PLEKHG7: variants seen among roughly 807,000 people sequenced by gnomAD.
PLEKHG7 encodes pleckstrin homology domain-containing family G member 7.
Under a neutral mutation model 85.2 loss-of-function variants are expected in PLEKHG7, and 77 were observed. The ratio of observed to expected loss-of-function variants is 0.90; its 90% CI spans 0.75 to 1.09. The LOEUF is 1.09. Among genes scored for constraint, PLEKHG7 ranks in the 50% least tolerant of loss-of-function variants. The pLI, the probability that PLEKHG7 is intolerant of heterozygous loss-of-function variation, is 0.00. For missense variants in PLEKHG7, 777 were observed against 804.3 expected (o/e 0.97, Z 0.41); for synonymous variants, 301 against 302.4 (o/e 1.00, Z 0.05).
intron 10 of PLEKHG7, 49 bp downstream of exon 10, chr12:92,745,640 G>A (rs1415438094): frequency 4.9e-6 from 6 of 1,233,800 alleles, no homozygotes; most frequent in Non-Finnish European, 6.0e-6. Flanking sequence ...TGCTTTTTGG[G>A]TGTCACATGT....
In PLEKHG7 at chr12:92,720,053, C is replaced by T. The variant is rs141859330; in HGVS notation, c.531-8940C>T. On this transcript the variant is annotated intron_variant, in intron 3 of 16. Transcript: ENST00000344636. ...GTGCCCTTGCCACTCAATAGGACTG[C>T]CCCATATTCGTTTCCTGTGGCTGCT... is the stretch of plus-strand genomic sequence containing the variant. Among the ~76,000 whole-genome samples, 294 of 152,296 alleles carry T rather than the reference C, an allele frequency of 1.9e-3. 1 individual carries two copies. The highest frequency in any genetic ancestry group is 3.3e-3 in the Non-Finnish European group (226 of 68,018).
intron 3 of PLEKHG7, 139 bp from the exon 4 acceptor site, chr12:92,728,854 T>A: frequency 1.7e-6 from 1 of 593,708 alleles, no homozygotes; most frequent in Non-Finnish European, 2.5e-6. Flanking sequence ...CTAATTCACA[T>A]TCCCACCAAT....
intron 3 of PLEKHG7, among the ~76,000 whole-genome samples, chr12:92,724,323 C>A (rs1046198844): frequency 6.6e-6 from 1 of 152,128 alleles, no homozygotes; most frequent in Non-Finnish European, 1.5e-5. Context: ...CAGTTCCCTC[C>A]ATCCTTATAA....
At position 92,707,083 on chromosome 12, in the gene PLEKHG7, G is replaced by A. The variant is rs202177719; in HGVS notation, c.452G>A (p.Arg151Gln). Residue 151 changes from arginine to glutamine, a missense_variant, in exon 2 of 17, where the codon CGG becomes CAG. Around this residue, in one of 3 missense-constraint regions of PLEKHG7, gnomAD observed 252 missense variants for 241.9 expected, o/e 1.04. Coordinates refer to ENST00000344636, the MANE Select transcript of PLEKHG7 (RefSeq NM_001377329.1). ...GGGTCCCTTCACCAGGCCTCTCTTC[G>A]GCAGCAAGAAGGCCACTTCCTGCCC... Reference protein sequence around the residue: ...NEGSLHQASLRQQEGHFLPSP... With the variant: ...NEGSLHQASLQQQEGHFLPSP... 229 of 1,613,660 alleles carry A rather than the reference G, an allele frequency of 1.4e-4. No homozygotes were observed. The African/African-American group carries it at 2.6e-3, about 18-fold the overall frequency.
intron 7 of PLEKHG7, among the ~76,000 whole-genome samples, chr12:92,738,531 G>A (rs1025416855): frequency 6.6e-6 from 1 of 152,186 alleles, no homozygotes; most frequent in African/African-American, 2.4e-5. Context: ...TAAATATTTT[G>A]GGCTTTTCAG....
Position 92,770,367 on chromosome 12 carries a change from A to G in PLEKHG7, c.*172A>G. 3.7e-6 allele frequency: 2 copies of G among 541,106 alleles called. No individual in the cohort carries two copies. The highest frequency in any genetic ancestry group is 6.5e-6 in the Non-Finnish European group (2 of 309,912). 33.5% of individuals were successfully genotyped at this position (541,106 alleles called of 1,614,324 possible). ...AAATCCTCAGTATAGAGGAATAATG[A>G]CTGCAACAAATTTGAACTCTGAGGA... On this transcript the variant is annotated 3_prime_UTR_variant, in exon 17 of 17. Coordinates refer to ENST00000344636, the MANE Select transcript of PLEKHG7 (RefSeq NM_001377329.1).
chr12:92,742,829 A>T (rs1037098804), intron 9 of PLEKHG7, among the ~76,000 whole-genome samples: 19 of 152,154 alleles, frequency 1.2e-4, no homozygotes, highest in African/African-American at 4.6e-4. Flanking sequence ...AAGTGCTGGG[A>T]TTAGAGGAGT....
At chr12:92,745,908 A>G (rs1872523709) in intron 10 of PLEKHG7, among the ~76,000 whole-genome samples, 1 of 152,230 alleles carries the variant, frequency 6.6e-6, no homozygotes, top group South Asian at 2.1e-4. Context: ...ACTATATAGT[A>G]AGAACCTGAG....
At chr12:92,704,323 T>A (rs1385605123) in intron 1 of PLEKHG7, among the ~76,000 whole-genome samples, 1 of 152,084 alleles carries the variant, frequency 6.6e-6, no homozygotes, top group Non-Finnish European at 1.5e-5. Flanking sequence ...AGCATTTGTT[T>A]GTTGGGAGAA....
At chr12:92,705,287 G>A (rs1032115668) in intron 1 of PLEKHG7, among the ~76,000 whole-genome samples, 29 of 152,232 alleles carry the variant, frequency 1.9e-4, no homozygotes, top group Admixed American at 1.8e-3. Flanking sequence ...GTACTAGAAT[G>A]ATAGTCAACA....
chr12:92,745,715 T>C (rs1872517860), intron 10 of PLEKHG7, 124 bp downstream of exon 10: 1 of 646,228 alleles, frequency 1.5e-6, no homozygotes, highest in Non-Finnish European at 2.7e-6. Flanking sequence ...TAATATGTTT[T>C]AACTACAAAT....
At chr12:92,748,292 G>A (rs1872592877) in intron 10 of PLEKHG7, among the ~76,000 whole-genome samples, 1 of 150,770 alleles carries the variant, frequency 6.6e-6, no homozygotes, top group Admixed American at 6.6e-5. Flanking sequence ...TCTCACCCAG[G>A]CTGGAGTGCG....
intron 15 of PLEKHG7, among the ~76,000 whole-genome samples, chr12:92,764,643 AAT>A (rs1234205387): frequency 2.0e-5 from 3 of 151,862 alleles, no homozygotes; most frequent in Non-Finnish European, 2.9e-5. Context: ...TTATGCCAGC[AAT>A]ATATATATAT....
chr12:92,724,627 T>A (rs1871745291), intron 3 of PLEKHG7, among the ~76,000 whole-genome samples: 1 of 152,204 alleles, frequency 6.6e-6, no homozygotes, highest in Admixed American at 6.5e-5. Context: ...TCTGCTGTTG[T>A]CTTTGCAAGA....
rs141727804 is a variant in PLEKHG7, at chr12:92,725,769, G to C, written c.531-3224G>C. 2.2e-3 allele frequency among the ~76,000 whole-genome samples: 338 copies of C among 152,052 alleles called. 1 individual carries two copies. Among genetic ancestry groups the C allele is most frequent in the African/African-American group, 7.6e-3 (314 of 41,466 alleles). ...TTGTTCTACTATTCATAAGTAAAAC[G>C]ATTTGAAAAAAATTTTGGCAAAGGC... On this transcript the variant is annotated intron_variant, in intron 3 of 16. Transcript: ENST00000344636.
In PLEKHG7 at chr12:92,713,107, C is replaced by T. The variant is rs147236397; in HGVS notation, c.530+5435C>T. 4.0e-3 allele frequency among the ~76,000 whole-genome samples: 612 copies of T among 152,286 alleles called. 2 individuals are homozygous for T. The highest frequency in any genetic ancestry group is 0.014 in the African/African-American group (587 of 41,556). On this transcript the variant is annotated intron_variant, in intron 3 of 16. Transcript: ENST00000344636. ...TCGCACCACTGCACTCCAGCCTGGA[C>T]GGCAGAGCAAGGCTGCATATCAAAA...
At chr12:92,753,346 C>T (rs1872743087) in intron 10 of PLEKHG7, among the ~76,000 whole-genome samples, 1 of 152,148 alleles carries the variant, frequency 6.6e-6, no homozygotes, top group Admixed American at 6.5e-5. Flanking sequence ...AAAGAAACAG[C>T]ACAGCAGATA....
At chr12:92,765,077 C>T (rs1873152325) in intron 15 of PLEKHG7, among the ~76,000 whole-genome samples, 1 of 152,118 alleles carries the variant, frequency 6.6e-6, no homozygotes, top group East Asian at 1.9e-4. Context: ...CCCAGAGCTT[C>T]AGTGAAGAGC....
intron 3 of PLEKHG7, among the ~76,000 whole-genome samples, chr12:92,726,691 T>TC (rs1329227610): frequency 1.3e-5 from 2 of 152,132 alleles, no homozygotes; most frequent in Non-Finnish European, 2.9e-5. Context: ...CCCTACTGTG[T>TC]CTGTGACATC....
Sources: gnomAD v4.1 joint callset for allele counts (sites outside exome capture counted in the v4.1 genomes callset) on GRCh38, gnomAD v4.1.1 for gene constraint, gnomAD v4.1.1 regional missense constraint, MANE v1.5 for transcripts, NCBI Gene and HGNC (gene_info 2026-07-23, HGNC 2026-07-21) for gene names.